MACROD2: variants seen among roughly 807,000 people sequenced by gnomAD.
The protein encoded by MACROD2 is ADP-ribose glycohydrolase MACROD2.
Under a neutral mutation model 70.4 loss-of-function variants are expected in MACROD2, and 36 were observed. That is an observed-to-expected ratio of 0.51 (90% confidence interval 0.39 to 0.68). The LOEUF (loss-of-function observed/expected upper bound fraction) is 0.68. Among genes scored for constraint, MACROD2 ranks in the 30% least tolerant of loss-of-function variants. The pLI is 0.00. For synonymous variants in MACROD2, 172 were observed against 178.8 expected, an observed-to-expected ratio of 0.96 and a Z score of 0.30; for missense variants, 496 against 538.4, an observed-to-expected ratio of 0.92 and a Z score of 0.78.
chr20:15,490,721 G>T (rs189895053), intron 7 of MACROD2, among the ~76,000 whole-genome samples: 317 of 152,282 alleles, frequency 2.1e-3, no homozygotes, highest in African/African-American at 7.3e-3. Context: ...GGCTACGAAG[G>T]TCCCGAGCTC....
chr20:16,014,797 C>T (rs187320758), intron 15 of MACROD2, among the ~76,000 whole-genome samples: 1 of 152,272 alleles, frequency 6.6e-6, no homozygotes, highest in Admixed American at 6.5e-5. Flanking sequence ...CTCTCACCTC[C>T]CAAGGTAACT....
intron 3 of MACROD2, among the ~76,000 whole-genome samples, chr20:14,339,277 A>G (rs533568708): frequency 1.3e-5 from 2 of 152,144 alleles, no homozygotes; most frequent in African/African-American, 4.8e-5. Context: ...TAAATCTAGG[A>G]GTTTTAGATT....
At chr20:15,077,337 T>C (rs1229406264) in intron 5 of MACROD2, among the ~76,000 whole-genome samples, 1 of 152,180 alleles carries the variant, frequency 6.6e-6, no homozygotes. Flanking sequence ...ATGTTTCAAG[T>C]TCATGACATT....
chr20:14,151,811 C>CTTTTTTTTTTTTTTT (rs144065987), intron 3 of MACROD2, among the ~76,000 whole-genome samples: 3 of 59,190 alleles, frequency 5.1e-5, no homozygotes, highest in Non-Finnish European at 9.0e-5. Flanking sequence ...TGTATTGTAT[C>CTTTTTTTTTTTTTTT]TTTTTTTTTT....
chr20:14,167,685 G>A (rs2081183857), intron 3 of MACROD2, among the ~76,000 whole-genome samples: 2 of 151,856 alleles, frequency 1.3e-5, no homozygotes, highest in African/African-American at 4.8e-5. Context: ...CACCGCACAC[G>A]GCCTAAAATG....
intron 3 of MACROD2, among the ~76,000 whole-genome samples, chr20:14,097,056 G>C (rs750331774): frequency 1.3e-5 from 2 of 152,140 alleles, no homozygotes; most frequent in Non-Finnish European, 2.9e-5. Flanking sequence ...CCCACACTTA[G>C]AACAACCCAA....
intron 7 of MACROD2, among the ~76,000 whole-genome samples, chr20:15,473,922 A>C (rs1431173609): frequency 6.6e-6 from 1 of 152,204 alleles, no homozygotes; most frequent in Non-Finnish European, 1.5e-5. Flanking sequence ...TCCAACATAG[A>C]AGTGTGTCTG....
At chr20:14,647,326 C>G (rs1430647621) in intron 4 of MACROD2, among the ~76,000 whole-genome samples, 1 of 152,114 alleles carries the variant, frequency 6.6e-6, no homozygotes, top group African/African-American at 2.4e-5. Context: ...TTCAGCAGCT[C>G]ATGCTTTCCT....
At chr20:14,248,440 G>C (rs576098148) in intron 3 of MACROD2, among the ~76,000 whole-genome samples, 1 of 152,064 alleles carries the variant, frequency 6.6e-6, no homozygotes, top group African/African-American at 2.4e-5. Flanking sequence ...AAAATTAGCC[G>C]GGTGTGGTGG....
intron 3 of MACROD2, among the ~76,000 whole-genome samples, chr20:14,331,804 T>A (rs1038378159): frequency 1.3e-5 from 2 of 152,090 alleles, no homozygotes; most frequent in African/African-American, 2.4e-5. Context: ...CTGAGCTGGA[T>A]CTACATATTT....
intron 5 of MACROD2, among the ~76,000 whole-genome samples, chr20:14,965,451 T>TTC (rs1381842308): frequency 6.9e-6 from 1 of 145,928 alleles, no homozygotes; most frequent in African/African-American, 2.5e-5. Flanking sequence ...TTATTTTTTT[T>TTC]TCTTTTTTTT....
intron 5 of MACROD2, among the ~76,000 whole-genome samples, chr20:15,193,036 G>T (rs1256912096): frequency 6.6e-6 from 1 of 152,130 alleles, no homozygotes; most frequent in Non-Finnish European, 1.5e-5. Flanking sequence ...TGGTGTCATT[G>T]AAGAAGCAAA....
At chr20:15,880,012 G>A (rs1306230217) in intron 9 of MACROD2, among the ~76,000 whole-genome samples, 1 of 152,122 alleles carries the variant, frequency 6.6e-6, no homozygotes, top group African/African-American at 2.4e-5. Context: ...CCAGGGGTCA[G>A]CCTTTGTGTT....
chr20:15,550,367 A>C (rs957357278), intron 8 of MACROD2, among the ~76,000 whole-genome samples: 2 of 151,474 alleles, frequency 1.3e-5, no homozygotes, highest in African/African-American at 4.8e-5. Context: ...AATGTGTCTT[A>C]TTATTTCTTC....
At chr20:15,525,793 T>C (rs574828740) in intron 8 of MACROD2, among the ~76,000 whole-genome samples, 55 of 152,342 alleles carry the variant, frequency 3.6e-4, no homozygotes, top group African/African-American at 1.3e-3. Flanking sequence ...CTATTCAACC[T>C]CTTTTTATAT....
At chr20:14,700,434 T>G (rs1458675560) in intron 5 of MACROD2, among the ~76,000 whole-genome samples, 1 of 152,060 alleles carries the variant, frequency 6.6e-6, no homozygotes, top group Non-Finnish European at 1.5e-5. Flanking sequence ...AAGTTCCACT[T>G]ATGAAGCTGA....
At chr20:14,517,185 T>C (rs572929280) in intron 4 of MACROD2, among the ~76,000 whole-genome samples, 33 of 152,304 alleles carry the variant, frequency 2.2e-4, no homozygotes, top group African/African-American at 7.7e-4. Flanking sequence ...ATCCCATTAC[T>C]GGGTATATAC....
At chr20:14,296,997 A>G (rs1421178731) in intron 3 of MACROD2, among the ~76,000 whole-genome samples, 2 of 151,790 alleles carry the variant, frequency 1.3e-5, no homozygotes, top group Admixed American at 6.6e-5. Flanking sequence ...CAATATTTCA[A>G]ACTTTTTCAT....
chr20:14,479,266 C>T (rs1210358449), intron 3 of MACROD2, among the ~76,000 whole-genome samples: 1 of 152,098 alleles, frequency 6.6e-6, no homozygotes, highest in Non-Finnish European at 1.5e-5. Flanking sequence ...AAAGTCAGGT[C>T]CGTAGATCAT....
Sources: gnomAD v4.1 joint callset for allele counts (sites outside exome capture counted in the v4.1 genomes callset) on GRCh38, gnomAD v4.1.1 for gene constraint, MANE v1.5 for transcripts, NCBI Gene and HGNC (gene_info 2026-07-23, HGNC 2026-07-21) for gene names.